WDHD1: variants seen among roughly 807,000 people sequenced by gnomAD.
WDHD1 encodes the protein WD repeat and HMG-box DNA binding protein 1.
In WDHD1, 111 loss-of-function variants were observed where a neutral mutation model predicts 135.4. That is an observed-to-expected ratio of 0.82 (90% CI 0.70 to 0.96). WDHD1 has a LOEUF of 0.96. Ranked by LOEUF, WDHD1 falls within the 40% of genes least tolerant of loss-of-function variation. WDHD1 has a pLI of 0.00. For missense variants in WDHD1, 1,351 were observed against 1,336.3 expected, an observed-to-expected ratio of 1.01 and a Z score of -0.17; for synonymous variants, 434 against 439.0, an observed-to-expected ratio of 0.99 and a Z score of 0.14.
At chr14:54,972,557 A>AAAAAAAAAAAAAAAC (rs2041456034) in intron 16 of WDHD1, among the ~76,000 whole-genome samples, 1 of 62,392 alleles carries the variant, frequency 1.6e-5, no homozygotes, top group Non-Finnish European at 3.0e-5. Context: ...CTGTCACAAA[A>AAAAAAAAAAAAAAAC]AAAAAAAAAA....
intron 7 of WDHD1, among the ~76,000 whole-genome samples, chr14:55,002,419 C>T (rs776260273): frequency 6.6e-6 from 1 of 152,086 alleles, no homozygotes; most frequent in Admixed American, 6.5e-5. Flanking sequence ...TACAGGCATA[C>T]ACCACTGTGC....
At chr14:55,020,554 C>T (rs898797452) in intron 2 of WDHD1, among the ~76,000 whole-genome samples, 11 of 152,126 alleles carry the variant, frequency 7.2e-5, no homozygotes, top group Non-Finnish European at 1.0e-4. Context: ...TATATTTACT[C>T]CTTCCCTAGG....
At chr14:54,970,633 A>G (rs1254698051) in intron 16 of WDHD1, among the ~76,000 whole-genome samples, 4 of 151,304 alleles carry the variant, frequency 2.6e-5, no homozygotes, top group Non-Finnish European at 4.4e-5. Context: ...AAAAAAAAAA[A>G]AAAGAAAGAA....
chr14:55,009,989 T>C (rs1240602999), intron 4 of WDHD1, among the ~76,000 whole-genome samples: 1 of 137,556 alleles, frequency 7.3e-6, no homozygotes, highest in Non-Finnish European at 1.6e-5. Context: ...CCCAGCTAAT[T>C]TTTTGTATTA....
intron 24 of WDHD1, among the ~76,000 whole-genome samples, chr14:54,951,811 C>G (rs1474292652): frequency 3.9e-5 from 6 of 152,280 alleles, no homozygotes; most frequent in Non-Finnish European, 5.9e-5. Flanking sequence ...TGGGCTTCAT[C>G]TCTGGGATGC....
intron 7 of WDHD1, among the ~76,000 whole-genome samples, chr14:55,006,862 T>A (rs151256239): frequency 6.6e-6 from 1 of 152,168 alleles, no homozygotes; most frequent in Admixed American, 6.5e-5. Context: ...ATAATCCAAA[T>A]TTTTAAAAAG....
intron 15 of WDHD1, among the ~76,000 whole-genome samples, chr14:54,984,421 G>C (rs1400612957): frequency 1.3e-5 from 2 of 152,194 alleles, no homozygotes; most frequent in African/African-American, 4.8e-5. Flanking sequence ...CTTAAGCCCA[G>C]GAGGTGGAGG....
chr14:54,987,094 C>T (rs2041705818), intron 14 of WDHD1, 52 bp downstream of exon 14: 1 of 1,594,392 alleles, frequency 6.3e-7, no homozygotes, highest in Non-Finnish European at 8.5e-7. Flanking sequence ...AGCAAAAAAG[C>T]TCAAGTAATT....
chr14:54,978,926 T>C (rs946240377), intron 16 of WDHD1, among the ~76,000 whole-genome samples: 7 of 152,220 alleles, frequency 4.6e-5, no homozygotes, highest in African/African-American at 9.7e-5. Context: ...CCAGAACTGA[T>C]GAAATGTCTA....
intron 16 of WDHD1, among the ~76,000 whole-genome samples, chr14:54,972,200 G>A (rs567960462): frequency 4.0e-5 from 6 of 149,812 alleles, no homozygotes; most frequent in African/African-American, 7.4e-5. Flanking sequence ...GGGTGAACCC[G>A]GGAGGCGGAG....
chr14:54,967,183 G>A, intron 17 of WDHD1, 97 bp downstream of exon 17: 1 of 1,011,714 alleles, frequency 9.9e-7, no homozygotes, highest in Non-Finnish European at 1.5e-6. Flanking sequence ...ATACAGTAAT[G>A]AATATTCAAT....
Position 54,957,191 on chromosome 14 carries a change from G to A in WDHD1, c.2759C>T (p.Ser920Phe), listed in dbSNP as rs753481218. The A allele has an allele frequency of 2.5e-6, 4 of 1,613,778 alleles. No homozygotes were observed. In the South Asian group the frequency reaches 3.3e-5, roughly 13 times the overall value. The change falls in exon 23 of 26, where the codon TCC becomes TTC. Residue 920 changes from serine to phenylalanine, a missense_variant. Physicochemically the swap from Ser to Phe is radical, Grantham distance 155 (BLOSUM62 -2). Transcript: ENST00000360586. The stretch of plus-strand genomic sequence containing the variant: ...ATTCATTGACATGGCTGGTTCTTTG[G>A]AACTGGCTGATACCTAAAGAGCAAA... ...RVNPFKVSAS[S>F]KEPAMSMNSA...
intron 16 of WDHD1, among the ~76,000 whole-genome samples, chr14:54,974,077 C>T (rs1017857876): frequency 6.6e-6 from 1 of 150,972 alleles, no homozygotes; most frequent in African/African-American, 2.5e-5. Flanking sequence ...CATAAACCAC[C>T]TGGAAGAGGA....
At chr14:54,968,801 G>C (rs2041385238) in intron 16 of WDHD1, among the ~76,000 whole-genome samples, 1 of 152,118 alleles carries the variant, frequency 6.6e-6, no homozygotes, top group African/African-American at 2.4e-5. Context: ...AATACTTTTG[G>C]AGGCAAAGGT....
At chr14:54,953,498 A>T (rs2041097848) in intron 24 of WDHD1, among the ~76,000 whole-genome samples, 1 of 152,228 alleles carries the variant, frequency 6.6e-6, no homozygotes. Context: ...ATGTGGAGAA[A>T]TAGGAACACT....
intron 24 of WDHD1, among the ~76,000 whole-genome samples, chr14:54,945,193 G>A (rs2040902765): frequency 6.6e-6 from 1 of 152,060 alleles, no homozygotes. Context: ...CCTCACCCTT[G>A]CTCTCAGAGC....
chr14:54,963,037 C>T lies in WDHD1; in HGVS notation c.2446G>A (p.Ala816Thr), dbSNP rs757884287. ...LILAQKLSEL[A>T]VEKAAELTAT... is the part of the protein sequence containing the mutation. ...GTCAATTCGGCTGCCTTCTCTACAG[C>T]CAGTTCACTTAGTTTTTGAGCCAGT... The change falls in exon 19 of 26, where the codon GCT (alanine) becomes ACT (threonine). Residue 816 changes from alanine (A) to threonine (T), a missense_variant. Ala to Thr is a moderately conservative substitution (Grantham distance 58, BLOSUM62 0). Around this residue, in one of 2 missense-constraint regions of WDHD1, gnomAD observed 1,330 missense variants for 1,296.1 expected, o/e 1.03. Transcript: ENST00000360586. 1.9e-6 allele frequency: 3 copies of T among 1,613,996 alleles called. No homozygotes were observed. The highest frequency in any genetic ancestry group is 2.5e-6 in the Non-Finnish European group (3 of 1,179,992).
At chr14:55,019,656 GTCAGGAGT>G (rs1052059140) in intron 2 of WDHD1, among the ~76,000 whole-genome samples, 1 of 152,140 alleles carries the variant, frequency 6.6e-6, no homozygotes, top group Non-Finnish European at 1.5e-5. Flanking sequence ...ATCAATTGAG[GTCAGGAGT>G]TCAAGACTAG....
chr14:54,963,197 G>GA (rs2041285262), intron 18 of WDHD1, 25 bp from the exon 19 acceptor site: 2 of 442,064 alleles, frequency 4.5e-6, no homozygotes, highest in East Asian at 7.5e-5. Flanking sequence ...GGGGGGGGGG[G>GA]GAGATCAAAT....
Sources: allele counts gnomAD v4.1 joint callset (sites outside exome capture counted in the v4.1 genomes callset), GRCh38; gene constraint gnomAD v4.1.1; regional missense constraint gnomAD v4.1.1; transcripts MANE v1.5; gene names NCBI Gene and HGNC (gene_info 2026-07-23, HGNC 2026-07-21).